The following NAV2 variants were observed in gnomAD, a reference collection of about 807,000 sequenced individuals.
NAV2 encodes the protein neuron navigator 2, also known as helicase, APC down-regulated 1.
Under a neutral mutation model 223.2 loss-of-function variants are expected in NAV2, and 54 were observed. That is an observed-to-expected ratio of 0.24 (90% CI 0.19 to 0.30). The LOEUF is 0.30. NAV2 is among the 10% of genes least tolerant of loss of function. The pLI is 1.00. For missense variants in NAV2, 2,806 were observed against 3,147.5 expected (o/e 0.89, Z 2.60); for synonymous variants, 1,279 against 1,239.3 (o/e 1.03, Z -0.67).
At chr11:19,877,608 G>A (rs1160352249) in intron 4 of NAV2, among the ~76,000 whole-genome samples, 2 of 151,574 alleles carry the variant, frequency 1.3e-5, no homozygotes, top group South Asian at 2.1e-4. Context: ...GAGTAGCTGG[G>A]ACCACACGCG....
chr11:19,993,096 TC>T (rs750843221), intron 11 of NAV2, among the ~76,000 whole-genome samples: 18 of 152,150 alleles, frequency 1.2e-4, no homozygotes, highest in Non-Finnish European at 2.6e-4. Flanking sequence ...CAATCCCAAG[TC>T]AGAATTTGAC....
At chr11:19,907,547 A>G (rs2042976318) in intron 6 of NAV2, among the ~76,000 whole-genome samples, 1 of 152,024 alleles carries the variant, frequency 6.6e-6, no homozygotes, top group Non-Finnish European at 1.5e-5. Flanking sequence ...AATTTGAGAC[A>G]GAAGTATTGA....
At chr11:19,718,439 G>T (rs2050484414) in intron 1 of NAV2, among the ~76,000 whole-genome samples, 1 of 151,600 alleles carries the variant, frequency 6.6e-6, no homozygotes, top group Non-Finnish European at 1.5e-5. Context: ...AATTAGAAGT[G>T]ATTGAACTTC....
chr11:19,979,092 T>C (rs1296209602), intron 10 of NAV2: 1 of 152,220 alleles, frequency 6.6e-6, no homozygotes, highest in Non-Finnish European at 1.5e-5. Context: ...TTCACAGGTC[T>C]GTCTTGACTG....
chr11:20,086,606 C>T (rs1173230262), intron 26 of NAV2, among the ~76,000 whole-genome samples: 2 of 152,130 alleles, frequency 1.3e-5, no homozygotes, highest in Non-Finnish European at 2.9e-5. Context: ...ACAGTAGAAG[C>T]TCCATGGAGG....
intron 6 of NAV2, among the ~76,000 whole-genome samples, chr11:19,897,474 C>G (rs905647515): frequency 2.0e-5 from 3 of 152,066 alleles, no homozygotes; most frequent in African/African-American, 7.2e-5. Flanking sequence ...AAGAATTTAT[C>G]TTAAAATCAT....
At chr11:19,978,699 C>T (rs537693956) in intron 10 of NAV2, 103 of 140,446 alleles carry the variant, frequency 7.3e-4, no homozygotes, top group African/African-American at 2.5e-3. Context: ...GAAATGCACT[C>T]GACTAGAGCA....
chr11:19,732,651 C>T (rs996931195), intron 1 of NAV2, among the ~76,000 whole-genome samples: 13 of 152,194 alleles, frequency 8.5e-5, no homozygotes, highest in Non-Finnish European at 1.8e-4. Context: ...GGTCACCCAG[C>T]CTTCAAGGAA....
intron 10 of NAV2, among the ~76,000 whole-genome samples, chr11:19,972,559 C>T (rs1196593353): frequency 6.6e-6 from 1 of 152,142 alleles, no homozygotes; most frequent in African/African-American, 2.4e-5. Context: ...GAAAACCATA[C>T]ACCGAGTTCA....
intron 19 of NAV2, 116 bp downstream of exon 19, chr11:20,056,073 G>A: frequency 5.3e-6 from 5 of 940,326 alleles, no homozygotes; most frequent in Non-Finnish European, 7.9e-6. Flanking sequence ...CCACCTATAA[G>A]TGCTCCCACC....
intron 1 of NAV2, among the ~76,000 whole-genome samples, chr11:19,809,809 G>C (rs2058757432): frequency 6.6e-6 from 1 of 152,156 alleles, no homozygotes; most frequent in Non-Finnish European, 1.5e-5. Flanking sequence ...ATTGGGATTT[G>C]TCTGATGCTT....
At chr11:19,758,939 G>A (rs1439650364) in intron 1 of NAV2, among the ~76,000 whole-genome samples, 1 of 152,136 alleles carries the variant, frequency 6.6e-6, no homozygotes, top group Non-Finnish European at 1.5e-5. Context: ...CCTGAGGATT[G>A]TGGAGGAACC....
intron 6 of NAV2, among the ~76,000 whole-genome samples, chr11:19,931,229 T>C (rs73439567): frequency 0.018 from 2,667 of 152,198 alleles, 74 homozygotes; most frequent in African/African-American, 0.06. Flanking sequence ...GCAGTGTGGG[T>C]GGGTTCTCGG....
intron 6 of NAV2, among the ~76,000 whole-genome samples, chr11:19,923,160 G>A (rs1253617363): frequency 1.3e-5 from 2 of 152,202 alleles, no homozygotes; most frequent in East Asian, 3.9e-4. Flanking sequence ...CTCGTAAGTG[G>A]CCAGTGGACA....
rs1439761912 is a variant in NAV2 at position 20,097,590 on chromosome 11, A to T, written c.6026A>T (p.His2009Leu). 6.3e-7 allele frequency: 1 copy of T among 1,595,056 alleles called. No individual in the cohort carries two copies. Among genetic ancestry groups the T allele is most frequent in the Non-Finnish European group, 8.5e-7 (1 of 1,174,410 alleles). Residue 2009 changes from histidine (H) to leucine (L), a missense_variant, in exon 31 of 38, where the codon CAT becomes CTT. Physicochemically the swap from His to Leu is moderately conservative, Grantham distance 99 (BLOSUM62 -3). Around this residue, in one of 4 missense-constraint regions of NAV2, gnomAD observed 824 missense variants for 1,069.4 expected, o/e 0.77. Transcript: ENST00000349880. ...VRRLFKEYII[H>L]VDPVSQLGLN... is the part of the protein sequence containing the mutation. ...TATTTTTTCCAGGAATACATCATTC[A>T]TGTCGACCCAGTGAGTCAGCTAGGG...
chr11:19,605,871 T>C (rs1309002969), intron 1 of NAV2, among the ~76,000 whole-genome samples: 3 of 152,114 alleles, frequency 2.0e-5, no homozygotes, highest in Admixed American at 6.6e-5. Context: ...CCCTGGGACA[T>C]CCTATTAATA....
chr11:19,688,692 G>A (rs1050674821), intron 1 of NAV2, among the ~76,000 whole-genome samples: 34 of 152,122 alleles, frequency 2.2e-4, no homozygotes, highest in Non-Finnish European at 2.9e-5. Context: ...CTCCTACTAA[G>A]AGAGCTTTTG....
intron 1 of NAV2, among the ~76,000 whole-genome samples, chr11:19,455,089 C>A (rs1272265085): frequency 3.9e-5 from 6 of 152,146 alleles, no homozygotes; most frequent in Non-Finnish European, 8.8e-5. Context: ...GCTGGAGAAC[C>A]ACTGGACTTA....
chr11:19,869,666 G>A (rs1435770138), intron 4 of NAV2, among the ~76,000 whole-genome samples: 13 of 152,154 alleles, frequency 8.5e-5, no homozygotes, highest in Admixed American at 5.9e-4. Flanking sequence ...CCAGCTCAGA[G>A]CTGCCATAGG....
Sources: allele counts gnomAD v4.1 joint callset (sites outside exome capture counted in the v4.1 genomes callset), GRCh38; gene constraint gnomAD v4.1.1; regional missense constraint gnomAD v4.1.1; transcripts MANE v1.5; gene names NCBI Gene and HGNC (gene_info 2026-07-23, HGNC 2026-07-21).